Variants in USP13 observed in about 807,000 individuals in gnomAD.
USP13 encodes the protein ubiquitin carboxyl-terminal hydrolase 13.
USP13 carries 68 observed loss-of-function variants against 107.8 expected under a neutral mutation model. The ratio of observed to expected loss-of-function variants is 0.63; its 90% CI spans 0.52 to 0.77. The LOEUF is 0.77. Among genes scored for constraint, USP13 ranks in the 30% least tolerant of loss-of-function variants. The pLI is 0.00. For synonymous variants in USP13, 377 were observed against 389.5 expected (o/e 0.97, Z 0.38); for missense variants, 945 against 1,093.3 (o/e 0.86, Z 1.91).
At chr3:179,783,355 A>C (rs1244009729) in intron 20 of USP13, among the ~76,000 whole-genome samples, 1 of 151,364 alleles carries the variant, frequency 6.6e-6, no homozygotes, top group African/African-American at 2.4e-5. Context: ...ATAAATAAAC[A>C]CACGTATTTA....
intron 13 of USP13, among the ~76,000 whole-genome samples, chr3:179,746,083 G>A (rs1307382389): frequency 6.6e-6 from 1 of 151,486 alleles, no homozygotes; most frequent in Non-Finnish European, 1.5e-5. Context: ...TTTTCTTTGA[G>A]GCTAAGATTG....
intron 3 of USP13, among the ~76,000 whole-genome samples, chr3:179,697,878 G>A (rs1380090853): frequency 6.6e-6 from 1 of 152,188 alleles, no homozygotes; most frequent in African/African-American, 2.4e-5. Context: ...TGAATTAAAA[G>A]TAAAAGTAAA....
intron 1 of USP13, among the ~76,000 whole-genome samples, chr3:179,665,019 C>T (rs111455410): frequency 0.046 from 7,000 of 151,934 alleles, 194 homozygotes; most frequent in South Asian, 0.055. Context: ...ACCCAGGAGG[C>T]GGAGGTGCAG....
chr3:179,653,086 C>T lies in USP13; in HGVS notation c.-140C>T. ...GCCCGCTCCCGCCCCGCAGCCCGCT[C>T]TCCCCGCCCGCCCCGGCTCGGCCGG... On this transcript the variant is annotated 5_prime_UTR_variant, in exon 1 of 21. Transcript: ENST00000263966. The surrounding 1 kb of genome is among the most constrained non-coding windows in gnomAD (Gnocchi z 4.0). 1 of 747,166 alleles carries T rather than the reference C, an allele frequency of 1.3e-6. No homozygotes were observed. Among genetic ancestry groups the T allele is most frequent in the Non-Finnish European group, 1.6e-6 (1 of 613,604 alleles). 46.3% of individuals were successfully genotyped at this position (747,166 alleles called of 1,614,324 possible). A position where few individuals can be genotyped will look rare whatever the true frequency, so the allele number is the denominator to read the frequency against.
chr3:179,765,977 G>GTT (rs373091102), intron 19 of USP13, 129 bp downstream of exon 19: 4,367 of 730,852 alleles, frequency 6.0e-3, no homozygotes, highest in South Asian at 9.4e-3. Context: ...CATCTTCTTC[G>GTT]TTTTTTTTTT....
chr3:179,748,009 G>A (rs1714471238), intron 13 of USP13, among the ~76,000 whole-genome samples: 1 of 152,160 alleles, frequency 6.6e-6, no homozygotes, highest in Admixed American at 6.5e-5. Flanking sequence ...GTCCTTGTGG[G>A]AAAGAAAAAG....
rs1457732226 is a variant in USP13, at chr3:179,761,108, G to A, written c.1949-4G>A. ...ACACTAGAATATCCTGTTGTGCTCT[G>A]TAGCATCAGACATCGATGAGTCATC... On this transcript the variant is annotated splice_region_variant and splice_polypyrimidine_tract_variant and intron_variant, in intron 16 of 20. Coordinates refer to ENST00000263966, the MANE Select transcript of USP13 (RefSeq NM_003940.3). 6.2e-7 allele frequency: 1 copy of A among 1,614,190 alleles called. No homozygotes were observed. Among genetic ancestry groups the A allele is most frequent in the East Asian group, 2.2e-5 (1 of 44,890 alleles).
At chr3:179,762,488 G>A (rs958809286) in intron 17 of USP13, among the ~76,000 whole-genome samples, 1 of 152,154 alleles carries the variant, frequency 6.6e-6, no homozygotes, top group African/African-American at 2.4e-5. Context: ...GACTGAGGCA[G>A]GAGAATTGCT....
chr3:179,749,508 A>T (rs1714522457), intron 13 of USP13, among the ~76,000 whole-genome samples: 2 of 152,248 alleles, frequency 1.3e-5, no homozygotes, highest in Admixed American at 6.5e-5. Context: ...AACTAACTTG[A>T]TGTCCCCAAA....
chr3:179,732,732 T>A (rs1407704652), intron 10 of USP13, among the ~76,000 whole-genome samples: 1 of 135,632 alleles, frequency 7.4e-6, no homozygotes, highest in East Asian at 2.3e-4. Flanking sequence ...AATATTACAG[T>A]GTCCTTTTAT....
intron 2 of USP13, among the ~76,000 whole-genome samples, chr3:179,685,215 C>T (rs1711828968): frequency 6.7e-6 from 1 of 149,988 alleles, no homozygotes. Context: ...TACTGCCATC[C>T]TTTATTTTTT....
chr3:179,765,098 T>G (rs1715130803), intron 18 of USP13, among the ~76,000 whole-genome samples: 1 of 152,220 alleles, frequency 6.6e-6, no homozygotes, highest in Non-Finnish European at 1.5e-5. Flanking sequence ...ATGGAAATAT[T>G]TTTATGGTCA....
At chr3:179,754,012 A>T (rs1423954513) in intron 14 of USP13, among the ~76,000 whole-genome samples, 1 of 152,248 alleles carries the variant, frequency 6.6e-6, no homozygotes, top group East Asian at 1.9e-4. Context: ...TAGTTAGAAT[A>T]TCCACAGTAC....
intron 4 of USP13, among the ~76,000 whole-genome samples, chr3:179,702,075 C>A (rs1056219022): frequency 2.0e-5 from 3 of 151,810 alleles, no homozygotes; most frequent in Non-Finnish European, 2.9e-5. Context: ...GCTGGAGTGC[C>A]GTGGCGCGAT....
intron 2 of USP13, among the ~76,000 whole-genome samples, chr3:179,688,314 T>C (rs1166345238): frequency 1.3e-5 from 2 of 152,168 alleles, no homozygotes; most frequent in Non-Finnish European, 2.9e-5. Context: ...ACCCTTTTCC[T>C]CAAATGAACT....
At chr3:179,774,695 A>G (rs555190375) in intron 19 of USP13, among the ~76,000 whole-genome samples, 43 of 152,300 alleles carry the variant, frequency 2.8e-4, no homozygotes, top group African/African-American at 7.0e-4. Context: ...CAAACCTTCC[A>G]CAGTTTGGAA....
At chr3:179,706,080 T>C (rs1712704964) in intron 4 of USP13, among the ~76,000 whole-genome samples, 1 of 151,418 alleles carries the variant, frequency 6.6e-6, no homozygotes, top group East Asian at 1.9e-4. Context: ...CAGGTTTTTG[T>C]GTGGACACAT....
chr3:179,762,853 C>T (rs1715052741), intron 17 of USP13, among the ~76,000 whole-genome samples: 1 of 152,148 alleles, frequency 6.6e-6, no homozygotes, highest in South Asian at 2.1e-4. Flanking sequence ...TACATTTCCA[C>T]CAGTAATGAA....
intron 15 of USP13, among the ~76,000 whole-genome samples, chr3:179,756,119 C>A (rs902067037): frequency 1.3e-5 from 2 of 152,148 alleles, no homozygotes; most frequent in African/African-American, 4.8e-5. Flanking sequence ...TGTAGTTATA[C>A]AGAGATCTTA....
Sources: gnomAD v4.1 joint callset for allele counts (sites outside exome capture counted in the v4.1 genomes callset) on GRCh38, gnomAD v4.1.1 for gene constraint, Gnocchi (gnomAD v3.1) non-coding constraint, MANE v1.5 for transcripts, NCBI Gene and HGNC (gene_info 2026-07-23, HGNC 2026-07-21) for gene names.